The following USP34 variants were observed in gnomAD, a reference collection of about 807,000 sequenced individuals.
The protein encoded by USP34 is ubiquitin carboxyl-terminal hydrolase 34.
Under a neutral mutation model 460.3 loss-of-function variants are expected in USP34, and 70 were observed. The ratio of observed to expected loss-of-function variants is 0.15; its 90% confidence interval spans 0.13 to 0.19. USP34 has a LOEUF of 0.19. Among genes scored for constraint, USP34 ranks in the 10% least tolerant of loss-of-function variants. The probability of loss-of-function intolerance (pLI) is 1.00; values close to 1 mark genes in which losing one functional copy is unlikely to be tolerated. For missense variants in USP34, 3,985 were observed against 4,236.2 expected, an observed-to-expected ratio of 0.94 and a Z score of 1.65; for synonymous variants, 1,647 against 1,405.3, an observed-to-expected ratio of 1.17 and a Z score of -3.85.
intron 1 of USP34, among the ~76,000 whole-genome samples, chr2:61,448,230 T>C (rs1046479606): frequency 6.6e-6 from 1 of 152,118 alleles, no homozygotes; most frequent in Non-Finnish European, 1.5e-5. Flanking sequence ...TCCCAGTACT[T>C]TGGGCGGCCA....
In USP34 at chr2:61,344,170, A is replaced by G. The variant is rs1371576759; in HGVS notation, c.2286-141T>C. On this transcript the variant is annotated intron_variant, in intron 15 of 79. Coordinates refer to ENST00000398571, the MANE Select transcript of USP34 (RefSeq NM_014709.4). ...CTTATTAACAATATGGAATGTTGAG[A>G]GCTTTACGAAACTGAAAACTTCACA... 17 of 738,226 alleles carry G rather than the reference A, an allele frequency of 2.3e-5. No homozygotes were observed. The South Asian group carries it at 3.1e-4, about 13-fold the overall frequency. 45.7% of individuals were successfully genotyped at this position (738,226 alleles called of 1,614,324 possible). A position where few individuals can be genotyped will look rare whatever the true frequency, so the allele number is the denominator to read the frequency against.
chr2:61,333,391 A>G (rs189813563), intron 19 of USP34, among the ~76,000 whole-genome samples: 7 of 152,154 alleles, frequency 4.6e-5, no homozygotes, highest in Admixed American at 3.3e-4. Flanking sequence ...TCCAATGAAT[A>G]TTTCCTTTGA....
At chr2:61,226,613 T>G (rs1034664101) in intron 62 of USP34, among the ~76,000 whole-genome samples, 1 of 152,218 alleles carries the variant, frequency 6.6e-6, no homozygotes, top group South Asian at 2.1e-4. Context: ...TATATTCTTT[T>G]GAATGGATGC....
At chr2:61,392,396 G>C (rs551008614) in intron 5 of USP34, among the ~76,000 whole-genome samples, 1 of 152,146 alleles carries the variant, frequency 6.6e-6, no homozygotes, top group African/African-American at 2.4e-5. Context: ...GGCCGAGGTG[G>C]GCGGATCACA....
chr2:61,469,787 G>A (rs1245622076), intron 1 of USP34, among the ~76,000 whole-genome samples: 1 of 152,074 alleles, frequency 6.6e-6, no homozygotes, highest in Non-Finnish European at 1.5e-5. Flanking sequence ...CTGCCAACTA[G>A]GCCTTTACGC....
At chr2:61,235,475 G>A (rs1558482025) in intron 57 of USP34, among the ~76,000 whole-genome samples, 1 of 151,816 alleles carries the variant, frequency 6.6e-6, no homozygotes, top group Non-Finnish European at 1.5e-5. Flanking sequence ...ACAGGCATGT[G>A]CCACCACACC....
At position 61,378,354 on chromosome 2, in the gene USP34, CCTA is replaced by C; in HGVS notation, c.1076+6_1076+8del. ...GTATACTTATATATAAATTAATGCT[CCTA>C]CTTACGTTTCTGTGTCCGATACTAA... is the stretch of plus-strand genomic sequence containing the variant. On this transcript the variant is annotated splice_donor_region_variant and intron_variant, in intron 8 of 79. Transcript: ENST00000398571. 1 of 1,566,584 alleles carries C rather than the reference CCTA, an allele frequency of 6.4e-7. No homozygotes were observed. Among genetic ancestry groups the C allele is most frequent in the Admixed American group, 1.9e-5 (1 of 53,098 alleles).
intron 75 of USP34, among the ~76,000 whole-genome samples, chr2:61,201,211 GTTTTTTTTTTT>G (rs59199472): frequency 2.0e-5 from 2 of 101,382 alleles, no homozygotes; most frequent in Non-Finnish European, 3.8e-5. Context: ...CTCATAGAAA[GTTTTTTTTTTT>G]TTTTTTTTTT....
At chr2:61,434,287 G>A (rs1573037536) in intron 1 of USP34, among the ~76,000 whole-genome samples, 1 of 152,084 alleles carries the variant, frequency 6.6e-6, no homozygotes, top group African/African-American at 2.4e-5. Flanking sequence ...GGCCAGCCAG[G>A]CAGCCAAGAG....
intron 8 of USP34, among the ~76,000 whole-genome samples, chr2:61,371,560 T>TA (rs1692628598): frequency 6.6e-6 from 1 of 152,066 alleles, no homozygotes; most frequent in Non-Finnish European, 1.5e-5. Context: ...GTCAAAACGT[T>TA]AAAAAATTTT....
Position 61,206,048 on chromosome 2 carries a change from A to G in USP34, c.9123T>C (p.Tyr3041=), listed in dbSNP as rs779825919. 1 of 1,613,746 alleles carries G rather than the reference A, an allele frequency of 6.2e-7. No homozygotes were observed. The highest frequency in any genetic ancestry group is 8.5e-7 in the Non-Finnish European group (1 of 1,179,772). The part of the protein sequence containing the change: ...AHKLLTLLNS[Y]SPPELRNACI... ...AGGCATTTCTAAGTTCTGGAGGACT[A>G]TAGGAATTAAGAAGAGTTAACAGTT... The change falls in exon 72 of 80, where the codon TAT becomes TAC. Residue 3041 remains tyrosine (Y), a synonymous_variant. Transcript: ENST00000398571.
At chr2:61,208,858 AATGAG>A (rs755227361) in intron 70 of USP34, 36 bp downstream of exon 70, 64 of 1,429,218 alleles carry the variant, frequency 4.5e-5, no homozygotes, top group Non-Finnish European at 5.4e-5. Context: ...AGAACATTAA[AATGAG>A]ATAATATCCA....
chr2:61,373,100 G>C (rs1223909514), intron 8 of USP34, among the ~76,000 whole-genome samples: 1 of 151,908 alleles, frequency 6.6e-6, no homozygotes, highest in Non-Finnish European at 1.5e-5. Context: ...TATTTTATTA[G>C]AGTTAAATCA....
intron 10 of USP34, among the ~76,000 whole-genome samples, chr2:61,362,284 T>C (rs1324681091): frequency 6.6e-6 from 1 of 152,140 alleles, no homozygotes; most frequent in African/African-American, 2.4e-5. Context: ...TATCTTATGT[T>C]ATGATCCACA....
chr2:61,381,175 T>C (rs1020075196), intron 6 of USP34, among the ~76,000 whole-genome samples: 9 of 143,356 alleles, frequency 6.3e-5, no homozygotes, highest in South Asian at 2.2e-4. Context: ...CAAATCCCCC[T>C]CTGCAAGAAA....
At chr2:61,217,681 C>T (rs1483702595) in intron 67 of USP34, among the ~76,000 whole-genome samples, 1 of 152,200 alleles carries the variant, frequency 6.6e-6, no homozygotes, top group Admixed American at 6.5e-5. Context: ...ACCAGCAGGG[C>T]ACAGTGGCTC....
intron 59 of USP34, 78 bp downstream of exon 59, chr2:61,229,470 A>AC (rs567763702): frequency 0.018 from 12,332 of 680,272 alleles, 115 homozygotes; most frequent in Non-Finnish European, 0.022. Context: ...AAAAAAAAAA[A>AC]AAAAACAAAA....
chr2:61,272,434 A>AG (rs1448447120), intron 41 of USP34, among the ~76,000 whole-genome samples: 2 of 149,340 alleles, frequency 1.3e-5, no homozygotes, highest in Non-Finnish European at 3.0e-5. Context: ...AAAAAAAATT[A>AG]GGAGTCATTC....
At chr2:61,188,763 T>C in intron 79 of USP34, 54 bp from the exon 80 acceptor site, 1 of 1,583,882 alleles carries the variant, frequency 6.3e-7, no homozygotes, top group Non-Finnish European at 8.6e-7. Flanking sequence ...TAAGATCACG[T>C]TAGGGGGGGA....
Sources: gnomAD v4.1 joint callset for allele counts (sites outside exome capture counted in the v4.1 genomes callset) on GRCh38, gnomAD v4.1.1 for gene constraint, MANE v1.5 for transcripts, NCBI Gene and HGNC (gene_info 2026-07-23, HGNC 2026-07-21) for gene names.